The following PPARGC1A variants were observed in gnomAD, a reference collection of about 807,000 sequenced individuals.
PPARGC1A encodes peroxisome proliferator-activated receptor gamma coactivator 1-alpha.
PPARGC1A carries 25 observed loss-of-function variants against 88.7 expected under a neutral mutation model. That is an observed-to-expected ratio of 0.28 (90% CI 0.21 to 0.39). The LOEUF is 0.39. PPARGC1A is among the 10% of genes least tolerant of loss of function. The probability of loss-of-function intolerance (pLI) is 1.00; values close to 1 mark genes in which losing one functional copy is unlikely to be tolerated. For missense variants in PPARGC1A, 880 were observed against 968.7 expected, an observed-to-expected ratio of 0.91 and a Z score of 1.22; for synonymous variants, 363 against 355.6, an observed-to-expected ratio of 1.02 and a Z score of -0.24.
At chr4:24,116,711 C>T in the PPARGC1A span, among the ~76,000 whole-genome samples, 2 of 152,108 alleles carry the variant, frequency 1.3e-5, no homozygotes, top group Non-Finnish European at 2.9e-5. Flanking sequence ...CCAAGGAACA[C>T]GAAGAAACAG....
the PPARGC1A span, among the ~76,000 whole-genome samples, chr4:24,017,965 A>G: frequency 2.6e-5 from 4 of 152,226 alleles, no homozygotes; most frequent in African/African-American, 9.6e-5. Context: ...AGTCTTATAC[A>G]TGAACACATA....
At chr4:24,032,407 T>A in the PPARGC1A span, among the ~76,000 whole-genome samples, 2 of 152,272 alleles carry the variant, frequency 1.3e-5, no homozygotes, top group East Asian at 3.9e-4. Flanking sequence ...GTCATGGTGT[T>A]CATAGAGCTC....
At chr4:23,897,438 T>C (rs1377285911) in intron 1 of PPARGC1A, among the ~76,000 whole-genome samples, 4 of 152,188 alleles carry the variant, frequency 2.6e-5, no homozygotes, top group Non-Finnish European at 5.9e-5. Flanking sequence ...ATTCATGTAA[T>C]GATACTGAGC....
At chr4:24,278,147 AC>A in the PPARGC1A span, among the ~76,000 whole-genome samples, 1 of 150,612 alleles carries the variant, frequency 6.6e-6, no homozygotes, top group Non-Finnish European at 1.5e-5. Context: ...AGCCTGGGTG[AC>A]AGAGCAAGAT....
At chr4:24,081,262 T>C in the PPARGC1A span, among the ~76,000 whole-genome samples, 2 of 152,120 alleles carry the variant, frequency 1.3e-5, no homozygotes, top group South Asian at 4.1e-4. Flanking sequence ...TTGGTCTCAT[T>C]AACTCAGATC....
chr4:24,168,642 GACACAC>G, the PPARGC1A span, among the ~76,000 whole-genome samples: 7 of 148,092 alleles, frequency 4.7e-5, no homozygotes, highest in Non-Finnish European at 6.0e-5. Context: ...CACAGACATA[GACACAC>G]ACACACACAC....
At chr4:23,802,915 T>C (rs114654951) in intron 10 of PPARGC1A, among the ~76,000 whole-genome samples, 114 of 152,312 alleles carry the variant, frequency 7.5e-4, no homozygotes, top group African/African-American at 2.5e-3. Flanking sequence ...GTCTCTGTTC[T>C]ACTCTCAGAT....
At chr4:24,123,921 A>AAC in the PPARGC1A span, among the ~76,000 whole-genome samples, 5 of 151,422 alleles carry the variant, frequency 3.3e-5, no homozygotes, top group African/African-American at 1.2e-4. Context: ...AAAAAAAAAA[A>AAC]AAAACAAAAA....
chr4:23,832,612 CTTTT>C (rs570752359), intron 2 of PPARGC1A, among the ~76,000 whole-genome samples: 1 of 131,826 alleles, frequency 7.6e-6, no homozygotes. Context: ...TTTTCTTTTT[CTTTT>C]TTTTTTTTTT....
the PPARGC1A span, among the ~76,000 whole-genome samples, chr4:24,289,242 A>AAGAGAG: frequency 1.0e-5 from 1 of 95,820 alleles, no homozygotes; most frequent in Non-Finnish European, 1.9e-5. Context: ...AAAAAAAAAA[A>AAGAGAG]AGAGAGAGAG....
At chr4:24,254,310 A>G in the PPARGC1A span, among the ~76,000 whole-genome samples, 3 of 152,182 alleles carry the variant, frequency 2.0e-5, no homozygotes, top group African/African-American at 7.2e-5. Context: ...CTTTTCCAGA[A>G]ATACAGAAAG....
intron 2 of PPARGC1A, among the ~76,000 whole-genome samples, chr4:23,879,355 T>G (rs1035594522): frequency 1.3e-5 from 2 of 152,110 alleles, no homozygotes; most frequent in Non-Finnish European, 2.9e-5. Flanking sequence ...CCACGTAAAT[T>G]TGTGGATTGG....
At chr4:24,452,165 T>C in the PPARGC1A span, among the ~76,000 whole-genome samples, 1 of 151,620 alleles carries the variant, frequency 6.6e-6, no homozygotes, top group Admixed American at 6.6e-5. Context: ...CCTGCCAGCC[T>C]GCCATGCAGA....
chr4:24,376,486 C>T, the PPARGC1A span, among the ~76,000 whole-genome samples: 9 of 152,176 alleles, frequency 5.9e-5, no homozygotes, highest in Admixed American at 2.0e-4. Flanking sequence ...CCCAGTCACC[C>T]GAAAAGTTGT....
the PPARGC1A span, among the ~76,000 whole-genome samples, chr4:24,138,000 G>A: frequency 6.6e-5 from 10 of 151,960 alleles, no homozygotes; most frequent in South Asian, 2.1e-4. Context: ...ATTGTCATGC[G>A]AGCCCCTGAA....
the PPARGC1A span, among the ~76,000 whole-genome samples, chr4:24,335,556 C>T: frequency 2.0e-5 from 3 of 152,144 alleles, no homozygotes; most frequent in African/African-American, 2.4e-5. Flanking sequence ...TGGATTGGTT[C>T]ATAGTAGAAA....
the PPARGC1A span, among the ~76,000 whole-genome samples, chr4:24,377,099 GA>G: frequency 2.7e-5 from 4 of 148,668 alleles, no homozygotes; most frequent in African/African-American, 5.0e-5. Flanking sequence ...TTTTTCACGT[GA>G]AAAAAAAATC....
At chr4:24,299,509 G>C in the PPARGC1A span, among the ~76,000 whole-genome samples, 1 of 152,026 alleles carries the variant, frequency 6.6e-6, no homozygotes, top group Non-Finnish European at 1.5e-5. Flanking sequence ...ATCTTCCAGG[G>C]GCTAAAATGG....
At chr4:23,911,020 G>A in the PPARGC1A span, among the ~76,000 whole-genome samples, 1 of 151,794 alleles carries the variant, frequency 6.6e-6, no homozygotes, top group East Asian at 2.0e-4. Flanking sequence ...ACTGAGTGAA[G>A]CACTAAAGCA....
Sources: gnomAD v4.1 joint callset for allele counts (sites outside exome capture counted in the v4.1 genomes callset) on GRCh38, gnomAD v4.1.1 for gene constraint, MANE v1.5 for transcripts, NCBI Gene and HGNC (gene_info 2026-07-23, HGNC 2026-07-21) for gene names.